The following RALGPS1 variants were observed in gnomAD, a reference collection of about 807,000 sequenced individuals.
RALGPS1 encodes the protein ras-specific guanine nucleotide-releasing factor RalGPS1.
A neutral mutation model predicts 78.8 loss-of-function variants in RALGPS1; 19 were observed. The observed-to-expected ratio is 0.24, with a 90% CI of 0.17 to 0.35. The LOEUF is 0.35. Ranked by LOEUF, RALGPS1 falls within the 10% of genes least tolerant of loss-of-function variation. RALGPS1 has a pLI of 1.00. For synonymous variants in RALGPS1, 228 were observed against 256.3 expected, an observed-to-expected ratio of 0.89 and a Z score of 1.06; for missense variants, 454 against 688.3, an observed-to-expected ratio of 0.66 and a Z score of 3.81.
At chr9:127,184,635 G>T (rs909106491) in intron 11 of RALGPS1, among the ~76,000 whole-genome samples, 2 of 152,238 alleles carry the variant, frequency 1.3e-5, no homozygotes, top group African/African-American at 4.8e-5. Context: ...TTCACATTAG[G>T]TGAAAGTCAC....
chr9:127,001,573 A>T (rs564835412), intron 4 of RALGPS1, among the ~76,000 whole-genome samples: 87 of 152,176 alleles, frequency 5.7e-4, no homozygotes, highest in African/African-American at 2.0e-3. Context: ...TATTGTTGTC[A>T]TACATTTTTC....
At chr9:127,184,917 T>G (rs1454485710) in intron 11 of RALGPS1, among the ~76,000 whole-genome samples, 1 of 152,174 alleles carries the variant, frequency 6.6e-6, no homozygotes, top group Non-Finnish European at 1.5e-5. Flanking sequence ...CCAGGCTGCT[T>G]AAATAGGGCA....
At chr9:127,079,576 C>G (rs768547593) in intron 8 of RALGPS1, 2 of 152,210 alleles carry the variant, frequency 1.3e-5, no homozygotes, top group African/African-American at 4.8e-5. Flanking sequence ...CCTTTCTACT[C>G]TCTTTTGGAT....
chr9:127,201,080 G>C (rs2061607184), intron 14 of RALGPS1, among the ~76,000 whole-genome samples: 1 of 152,198 alleles, frequency 6.6e-6, no homozygotes, highest in Non-Finnish European at 1.5e-5. Flanking sequence ...GAAGGAGGGT[G>C]GTGAGAAAGA....
At chr9:126,972,936 C>T (rs902513175) in intron 3 of RALGPS1, among the ~76,000 whole-genome samples, 5 of 152,082 alleles carry the variant, frequency 3.3e-5, no homozygotes, top group South Asian at 2.1e-4. Context: ...GTGGCGCACA[C>T]GTGTAGTCCC....
chr9:127,208,753 G>T (rs939673732), intron 14 of RALGPS1, among the ~76,000 whole-genome samples: 2 of 152,152 alleles, frequency 1.3e-5, no homozygotes, highest in Non-Finnish European at 2.9e-5. Context: ...CTGCTTACGA[G>T]GCTAGCCTGC....
At chr9:127,003,632 A>G (rs2043557069) in intron 4 of RALGPS1, among the ~76,000 whole-genome samples, 1 of 152,138 alleles carries the variant, frequency 6.6e-6, no homozygotes, top group African/African-American at 2.4e-5. Context: ...GCTGGCTCGT[A>G]AGGTGTGTGT....
intron 8 of RALGPS1, among the ~76,000 whole-genome samples, chr9:127,129,229 G>A (rs1308215636): frequency 6.6e-6 from 1 of 152,172 alleles, no homozygotes; most frequent in Non-Finnish European, 1.5e-5. Flanking sequence ...GGAGACTGAG[G>A]ACTGGCAAGA....
Position 127,166,052 on chromosome 9 carries a change from A to G in RALGPS1, c.611-17A>G. On this transcript the variant is annotated splice_polypyrimidine_tract_variant and intron_variant, in intron 8 of 18. Transcript: ENST00000259351. Reference sequence around the variant, plus strand: ...TGGTAAGCTCCTTCCATCATGAAATATCTTCTTTAATTTTAGGAATCTATC... The same window carrying G: ...TGGTAAGCTCCTTCCATCATGAAATGTCTTCTTTAATTTTAGGAATCTATC... 1.3e-6 allele frequency: 2 copies of G among 1,595,986 alleles called. No homozygotes were observed. The highest frequency in any genetic ancestry group is 8.5e-7 in the Non-Finnish European group (1 of 1,172,892).
chr9:127,119,784 G>A (rs1358048968), intron 8 of RALGPS1, among the ~76,000 whole-genome samples: 1 of 152,186 alleles, frequency 6.6e-6, no homozygotes, highest in Non-Finnish European at 1.5e-5. Flanking sequence ...CACCCAGACT[G>A]CCTCATTAGT....
chr9:127,023,092 T>A (rs951519269), intron 4 of RALGPS1, among the ~76,000 whole-genome samples: 2 of 152,170 alleles, frequency 1.3e-5, no homozygotes, highest in African/African-American at 4.8e-5. Flanking sequence ...CTTTCCCTTC[T>A]TCAAACACCA....
chr9:127,047,437 G>T (rs2047901225), intron 5 of RALGPS1, among the ~76,000 whole-genome samples: 1 of 152,202 alleles, frequency 6.6e-6, no homozygotes, highest in South Asian at 2.1e-4. Flanking sequence ...GGTGGCTCAT[G>T]CCTGTAATCC....
intron 10 of RALGPS1, among the ~76,000 whole-genome samples, chr9:127,169,830 G>A (rs980160216): frequency 5.9e-5 from 9 of 152,134 alleles, no homozygotes; most frequent in African/African-American, 2.2e-4. Flanking sequence ...TGTGTTAGAC[G>A]ATTTTGTAAG....
intron 2 of RALGPS1, among the ~76,000 whole-genome samples, chr9:126,964,015 G>A (rs1023769116): frequency 1.3e-5 from 2 of 152,118 alleles, no homozygotes; most frequent in Non-Finnish European, 1.5e-5. Flanking sequence ...TTCACTCTGC[G>A]TAGGTTCTCC....
intron 2 of RALGPS1, among the ~76,000 whole-genome samples, chr9:126,963,160 A>G (rs368268513): frequency 3.3e-5 from 5 of 152,316 alleles, no homozygotes; most frequent in East Asian, 1.9e-4. Context: ...TATTTGGGGC[A>G]GCTTTTGATC....
At chr9:127,193,022 A>G (rs1048838254) in intron 11 of RALGPS1, among the ~76,000 whole-genome samples, 1 of 152,264 alleles carries the variant, frequency 6.6e-6, no homozygotes, top group Non-Finnish European at 1.5e-5. Context: ...GGAGGAGCAC[A>G]GACCTCCATT....
At chr9:127,034,672 T>C (rs1452860054) in intron 5 of RALGPS1, among the ~76,000 whole-genome samples, 158 bp downstream of exon 5, 1 of 152,160 alleles carries the variant, frequency 6.6e-6, no homozygotes, top group Non-Finnish European at 1.5e-5. Context: ...TTTGTGCCAT[T>C]ATAGTCCATT....
chr9:127,136,980 A>G (rs575977967), intron 8 of RALGPS1, among the ~76,000 whole-genome samples: 4 of 152,026 alleles, frequency 2.6e-5, no homozygotes, highest in Non-Finnish European at 5.9e-5. Flanking sequence ...GTGGCTAGGA[A>G]CAGATGGCCA....
intron 9 of RALGPS1, 99 bp downstream of exon 9, chr9:127,166,305 T>C (rs1051646942): frequency 1.0e-5 from 14 of 1,405,290 alleles, no homozygotes; most frequent in Non-Finnish European, 1.4e-5. Flanking sequence ...AACTACAAAG[T>C]TCCTCATTTT....
Sources: allele counts gnomAD v4.1 joint callset (sites outside exome capture counted in the v4.1 genomes callset), GRCh38; gene constraint gnomAD v4.1.1; transcripts MANE v1.5; gene names NCBI Gene and HGNC (gene_info 2026-07-23, HGNC 2026-07-21).